Variants in BAZ2B observed in about 807,000 individuals in gnomAD.
BAZ2B encodes bromodomain adjacent to zinc finger domain protein 2B.
A neutral mutation model predicts 246.0 loss-of-function variants in BAZ2B; 91 were observed. The observed-to-expected ratio is 0.37, with a 90% CI of 0.31 to 0.44. The LOEUF (loss-of-function observed/expected upper bound fraction) is 0.44. BAZ2B is among the 20% of genes least tolerant of loss of function. The pLI, the probability that BAZ2B is intolerant of heterozygous loss-of-function variation, is 1.00. For synonymous variants in BAZ2B, 855 were observed against 860.0 expected (o/e 0.99, Z 0.10); for missense variants, 2,332 against 2,533.7 (o/e 0.92, Z 1.71).
At chr2:159,377,500 C>G (rs925981797) in intron 25 of BAZ2B, among the ~76,000 whole-genome samples, 3 of 152,080 alleles carry the variant, frequency 2.0e-5, no homozygotes, top group Admixed American at 1.3e-4. Context: ...CTATTTAACT[C>G]TATAATTCAA....
intron 27 of BAZ2B, among the ~76,000 whole-genome samples, chr2:159,360,107 G>A (rs2059525275): frequency 6.6e-6 from 1 of 152,154 alleles, no homozygotes; most frequent in African/African-American, 2.4e-5. Context: ...TCTGGCCGGG[G>A]CAATCAGGTA....
chr2:159,316,776 G>C (rs1230075158), downstream of BAZ2B, among the ~76,000 whole-genome samples: 2 of 150,960 alleles, frequency 1.3e-5, no homozygotes, highest in Non-Finnish European at 2.9e-5. Flanking sequence ...GGGAGGCTGA[G>C]GCAGGCAGAT....
At chr2:159,690,220 T>G in the BAZ2B span, 1 of 437,140 alleles carries the variant, frequency 2.3e-6, no homozygotes, top group African/African-American at 2.1e-5. Flanking sequence ...TAGCAGGTGC[T>G]TTCACATTAT....
chr2:159,627,405 T>C, the BAZ2B span, among the ~76,000 whole-genome samples: 1 of 149,982 alleles, frequency 6.7e-6, no homozygotes, highest in East Asian at 2.0e-4. Context: ...TGAACATCAA[T>C]GTGAAAATTC....
intron 2 of BAZ2B, among the ~76,000 whole-genome samples, chr2:159,517,322 A>G (rs770763763): frequency 6.6e-6 from 1 of 151,842 alleles, no homozygotes; most frequent in Non-Finnish European, 1.5e-5. Flanking sequence ...TTCCCCCCAA[A>G]TTGCTGTTTT....
At chr2:159,392,523 T>C (rs2063475196) in intron 20 of BAZ2B, among the ~76,000 whole-genome samples, 1 of 152,162 alleles carries the variant, frequency 6.6e-6, no homozygotes, top group Non-Finnish European at 1.5e-5. Flanking sequence ...AACTAACTTA[T>C]TCACCTGTTT....
chr2:159,318,424 T>G (rs1395822502), downstream of BAZ2B, among the ~76,000 whole-genome samples: 3 of 152,234 alleles, frequency 2.0e-5, no homozygotes, highest in East Asian at 5.8e-4. Flanking sequence ...TGAAGCTTTG[T>G]GAAGTTAAAA....
Position 159,577,127 on chromosome 2 carries a change from C to T in BAZ2B, c.-45-21262G>A, listed in dbSNP as rs1366075030. Among the ~76,000 whole-genome samples the T allele has an allele frequency of 2.0e-5, 3 of 149,974 alleles. No individual in the cohort carries two copies. The East Asian group carries it at 5.8e-4, about 29-fold the overall frequency. On this transcript the variant is annotated intron_variant, in intron 1 of 36. Transcript: ENST00000392783. Reference sequence around the variant, plus strand: ...CCTCTAGTCCCAGCTACTCGGAAGGCTGAGGCAGGAGGATCACTTGAGCCC... The same window carrying T: ...CCTCTAGTCCCAGCTACTCGGAAGGTTGAGGCAGGAGGATCACTTGAGCCC...
At chr2:159,681,495 T>C in the BAZ2B span, among the ~76,000 whole-genome samples, 1 of 144,194 alleles carries the variant, frequency 6.9e-6, no homozygotes, top group African/African-American at 2.6e-5. Context: ...ACAAGAAAAA[T>C]ATAGCCACTG....
At chr2:159,576,435 C>G (rs10929945) in intron 1 of BAZ2B, among the ~76,000 whole-genome samples, 140,047 of 151,656 alleles carry the variant, frequency 0.92, 65,156 homozygotes, top group East Asian at 1. Flanking sequence ...AGAAATAAAG[C>G]TGACCAATAC....
At chr2:159,599,752 C>G (rs978166904) in intron 1 of BAZ2B, among the ~76,000 whole-genome samples, 1 of 151,700 alleles carries the variant, frequency 6.6e-6, no homozygotes, top group Non-Finnish European at 1.5e-5. Context: ...CTGGCTAACA[C>G]GGTGAAACCC....
At chr2:159,526,220 A>C (rs2084714819) in intron 2 of BAZ2B, among the ~76,000 whole-genome samples, 1 of 152,210 alleles carries the variant, frequency 6.6e-6, no homozygotes, top group Non-Finnish European at 1.5e-5. Context: ...AGGAATACAA[A>C]AATTAAGCAA....
At chr2:159,489,977 C>T (rs13022640) in intron 2 of BAZ2B, among the ~76,000 whole-genome samples, 151,798 of 152,334 alleles carry the variant, frequency 1, 75,632 homozygotes, top group Middle Eastern at 1. Flanking sequence ...TATACAGCTT[C>T]CATCAATTTA....
At chr2:159,625,302 A>G in the BAZ2B span, among the ~76,000 whole-genome samples, 1 of 152,204 alleles carries the variant, frequency 6.6e-6, no homozygotes, top group African/African-American at 2.4e-5. Flanking sequence ...ACAGGCCAAC[A>G]TTCAAATTCA....
At chr2:159,468,782 C>T (rs957616393) in intron 3 of BAZ2B, among the ~76,000 whole-genome samples, 1 of 152,116 alleles carries the variant, frequency 6.6e-6, no homozygotes, top group Non-Finnish European at 1.5e-5. Context: ...CGGTGGCTAA[C>T]GCCTGTAATC....
chr2:159,695,512 GTACT>G, the BAZ2B span: 1 of 151,786 alleles, frequency 6.6e-6, no homozygotes, highest in Non-Finnish European at 1.5e-5. Flanking sequence ...TATAGTTTTA[GTACT>G]TAAAGTTAGA....
At chr2:159,615,568 G>C (rs1486681467) in intron 1 of BAZ2B, 1 of 152,316 alleles carries the variant, frequency 6.6e-6, no homozygotes, top group Non-Finnish European at 1.5e-5. Context: ...CGGGGAGTGG[G>C]GGTGGCAGAC....
intron 1 of BAZ2B, among the ~76,000 whole-genome samples, chr2:159,598,652 A>G (rs1474051737): frequency 1.3e-5 from 2 of 151,952 alleles, no homozygotes; most frequent in Non-Finnish European, 2.9e-5. Context: ...GTTTGAGACC[A>G]GCCCGGCCAA....
chr2:159,573,016 A>G (rs959332242), intron 1 of BAZ2B, among the ~76,000 whole-genome samples: 1 of 152,222 alleles, frequency 6.6e-6, no homozygotes, highest in African/African-American at 2.4e-5. Context: ...TTATGAGGGC[A>G]AAATATCAAA....
Sources: gnomAD v4.1 joint callset for allele counts (sites outside exome capture counted in the v4.1 genomes callset) on GRCh38, gnomAD v4.1.1 for gene constraint, MANE v1.5 for transcripts, NCBI Gene and HGNC (gene_info 2026-07-23, HGNC 2026-07-21) for gene names.